RNGTT: variants seen among roughly 807,000 people sequenced by gnomAD.
The protein encoded by RNGTT is RNA guanylyltransferase and 5'-phosphatase.
Under a neutral mutation model 79.3 loss-of-function variants are expected in RNGTT, and 33 were observed. That is an observed-to-expected ratio of 0.42 (90% CI 0.32 to 0.56). The LOEUF (loss-of-function observed/expected upper bound fraction) is 0.56. RNGTT is among the 20% of genes least tolerant of loss of function. RNGTT has a pLI of 0.17. For synonymous variants in RNGTT, 222 were observed against 235.9 expected (o/e 0.94, Z 0.54); for missense variants, 497 against 739.1 (o/e 0.67, Z 3.80).
At chr6:88,665,660 G>A (rs995500634) in intron 14 of RNGTT, among the ~76,000 whole-genome samples, 1 of 152,176 alleles carries the variant, frequency 6.6e-6, no homozygotes, top group African/African-American at 2.4e-5. Flanking sequence ...GGGAGGATCC[G>A]GGGTCAGGTG....
chr6:88,615,527 T>C (rs1459451504), intron 14 of RNGTT, among the ~76,000 whole-genome samples: 1 of 152,170 alleles, frequency 6.6e-6, no homozygotes, highest in East Asian at 1.9e-4. Flanking sequence ...AGTAGCAAAC[T>C]TGCCAAATTT....
intron 13 of RNGTT, among the ~76,000 whole-genome samples, chr6:88,758,363 T>C (rs950368078): frequency 2.0e-5 from 3 of 152,178 alleles, no homozygotes; most frequent in African/African-American, 7.2e-5. Flanking sequence ...AAGGAATAAA[T>C]GAACTAACGC....
intron 6 of RNGTT, among the ~76,000 whole-genome samples, chr6:88,894,002 C>T (rs1783141379): frequency 1.3e-5 from 2 of 152,100 alleles, no homozygotes; most frequent in South Asian, 2.1e-4. Flanking sequence ...TTAATGTAAG[C>T]CAATTCTGGT....
At chr6:88,883,598 T>C (rs1432142348) in intron 8 of RNGTT, among the ~76,000 whole-genome samples, 2 of 152,034 alleles carry the variant, frequency 1.3e-5, no homozygotes, top group African/African-American at 2.4e-5. Context: ...ATAATAACAA[T>C]GACAATAAAA....
intron 8 of RNGTT, among the ~76,000 whole-genome samples, chr6:88,884,757 G>A (rs1291227390): frequency 2.6e-5 from 4 of 152,138 alleles, no homozygotes. Context: ...CAGGAAGAGA[G>A]AAAATAATTA....
At chr6:88,936,566 TGA>T (rs1176744023) in intron 2 of RNGTT, among the ~76,000 whole-genome samples, 3 of 152,208 alleles carry the variant, frequency 2.0e-5, no homozygotes, top group East Asian at 1.9e-4. Flanking sequence ...CCTAGTTTGT[TGA>T]GAGTTTTTAT....
At chr6:88,845,652 C>T (rs1463271687) in intron 10 of RNGTT, among the ~76,000 whole-genome samples, 2 of 152,186 alleles carry the variant, frequency 1.3e-5, no homozygotes, top group African/African-American at 4.8e-5. Flanking sequence ...GGTGGCAGCA[C>T]TTGCTTAAGG....
intron 1 of RNGTT, among the ~76,000 whole-genome samples, chr6:88,954,902 C>T (rs148928700): frequency 1.3e-5 from 2 of 151,458 alleles, no homozygotes; most frequent in East Asian, 3.9e-4. Context: ...AATTAGCCAG[C>T]CATGTACTAA....
rs188814384 is a variant in RNGTT at position 88,747,402 on chromosome 6, C to T, written c.1439+22372G>A. On this transcript the variant is annotated intron_variant, in intron 13 of 15. Transcript: ENST00000369485. ...ATCTGTCAGCTCAATATACCACTTA[C>T]GCTTTAATCTAGGAAGCAGAACCAT... Among the ~76,000 whole-genome samples the T allele has an allele frequency of 2.0e-3, 304 of 152,232 alleles. 4 individuals carry two copies. The highest frequency in any genetic ancestry group is 7.0e-3 in the African/African-American group (292 of 41,542).
chr6:88,617,964 G>A (rs1401121478), intron 14 of RNGTT, among the ~76,000 whole-genome samples: 1 of 152,116 alleles, frequency 6.6e-6, no homozygotes, highest in African/African-American at 2.4e-5. Flanking sequence ...TTTATCATAT[G>A]TACTTTACAA....
intron 4 of RNGTT, among the ~76,000 whole-genome samples, chr6:88,913,215 AAAAAAAAAAAAC>A (rs754186442): frequency 0.019 from 2,139 of 111,076 alleles, 23 homozygotes; most frequent in Middle Eastern, 0.034. Flanking sequence ...AAAAAAAAAC[AAAAAAAAAAAAC>A]AAAAAAAAAA....
At position 88,726,865 on chromosome 6, in the gene RNGTT, A is replaced by T. The variant is rs186460144; in HGVS notation, c.1439+42909T>A. 4.6e-3 allele frequency among the ~76,000 whole-genome samples: 700 copies of T among 152,342 alleles called. 2 individuals carry two copies. The highest frequency in any genetic ancestry group is 7.9e-3 in the Non-Finnish European group (538 of 68,034). Reference sequence around the variant, plus strand: ...AACTTACAAGGTTTTCAACAAAAGTAAAGTTTGCTAAAAGTTAACAGTGTA... The same window carrying T: ...AACTTACAAGGTTTTCAACAAAAGTTAAGTTTGCTAAAAGTTAACAGTGTA... On this transcript the variant is annotated intron_variant, in intron 13 of 15. Coordinates refer to ENST00000369485, the MANE Select transcript of RNGTT (RefSeq NM_003800.5).
Position 88,843,548 on chromosome 6 carries a change from CTTTTTTTTTTTTT to C in RNGTT, c.1269+796_1269+808del, listed in dbSNP as rs11312733. ...ACATCTTGGAATATTTAGTATGATT[CTTTTTTTTTTTTT>C]TTTTTTTTTTTTTTTGAGACAGAGT... is the stretch of plus-strand genomic sequence containing the variant. On this transcript the variant is annotated intron_variant, in intron 11 of 15. Transcript: ENST00000369485. Among the ~76,000 whole-genome samples the C allele has an allele frequency of 1.2e-4, 8 of 66,662 alleles. No individual in the cohort carries two copies. The South Asian group carries it at 2.2e-3, about 19-fold the overall frequency. 43.7% of individuals were successfully genotyped at this position (66,662 alleles called of 152,430 possible). A position where few individuals can be genotyped will look rare whatever the true frequency, so the allele number is the denominator to read the frequency against.
intron 15 of RNGTT, among the ~76,000 whole-genome samples, chr6:88,613,438 C>T (rs1179596424): frequency 6.6e-6 from 1 of 152,188 alleles, no homozygotes; most frequent in African/African-American, 2.4e-5. Flanking sequence ...TTGGCTTAAT[C>T]ATCCTGACTT....
intron 13 of RNGTT, among the ~76,000 whole-genome samples, chr6:88,728,425 A>C (rs762213706): frequency 2.6e-5 from 4 of 152,204 alleles, no homozygotes; most frequent in Non-Finnish European, 5.9e-5. Context: ...TGTCCCACCA[A>C]TGTAGAGCTT....
chr6:88,736,373 T>C (rs1308969650), intron 13 of RNGTT, among the ~76,000 whole-genome samples: 1 of 152,084 alleles, frequency 6.6e-6, no homozygotes, highest in East Asian at 1.9e-4. Context: ...AAAGCAAAAC[T>C]ACAGATGAGT....
intron 14 of RNGTT, among the ~76,000 whole-genome samples, chr6:88,626,728 A>G (rs1432372159): frequency 1.3e-5 from 2 of 152,098 alleles, no homozygotes; most frequent in Non-Finnish European, 2.9e-5. Context: ...AATGGGCTGC[A>G]TTTCACAGCT....
At chr6:88,955,347 G>A (rs12200898) in intron 1 of RNGTT, among the ~76,000 whole-genome samples, 7,841 of 151,468 alleles carry the variant, frequency 0.052, 310 homozygotes, top group African/African-American at 0.1. Context: ...TCAGGAGTTC[G>A]AGACCAGCCT....
At chr6:88,791,716 T>G (rs1227715165) in intron 12 of RNGTT, among the ~76,000 whole-genome samples, 1 of 151,886 alleles carries the variant, frequency 6.6e-6, no homozygotes, top group East Asian at 2.0e-4. Flanking sequence ...ATTTTTTGTA[T>G]TTTTAGTAGA....
Sources: allele counts gnomAD v4.1 joint callset (sites outside exome capture counted in the v4.1 genomes callset), GRCh38; gene constraint gnomAD v4.1.1; transcripts MANE v1.5; gene names NCBI Gene and HGNC (gene_info 2026-07-23, HGNC 2026-07-21).